MRTFB: variants seen among roughly 807,000 people sequenced by gnomAD.
The protein encoded by MRTFB is myocardin related transcription factor B, also known as myocardin-related transcription factor B.
Under a neutral mutation model 104.2 loss-of-function variants are expected in MRTFB, and 29 were observed. The observed-to-expected ratio is 0.28, with a 90% CI of 0.21 to 0.38. The LOEUF (loss-of-function observed/expected upper bound fraction) is 0.38, where lower values mean the gene tolerates loss of function less well. MRTFB is among the 10% of genes least tolerant of loss of function. The pLI, the probability that MRTFB is intolerant of heterozygous loss-of-function variation, is 1.00. For synonymous variants in MRTFB, 535 were observed against 519.5 expected (o/e 1.03, Z -0.41); for missense variants, 1,270 against 1,341.6 (o/e 0.95, Z 0.83).
chr16:14,143,929 T>C (rs1383304236), intron 3 of MRTFB: 1 of 152,230 alleles, frequency 6.6e-6, no homozygotes, highest in Non-Finnish European at 1.5e-5. Context: ...ACAGTTACTT[T>C]CCCAGAATTA....
chr16:14,127,385 G>A (rs939622020), intron 2 of MRTFB, among the ~76,000 whole-genome samples: 8 of 152,056 alleles, frequency 5.3e-5, no homozygotes, highest in East Asian at 1.9e-4. Flanking sequence ...GGCCGGGTGC[G>A]GTAAGTATCT....
At chr16:14,161,494 T>A (rs2039036356) in intron 3 of MRTFB, among the ~76,000 whole-genome samples, 1 of 152,122 alleles carries the variant, frequency 6.6e-6, no homozygotes, top group African/African-American at 2.4e-5. Flanking sequence ...ATAGTAAAGT[T>A]TTCAGGGGAA....
chr16:13,998,521 C>T, the MRTFB span, among the ~76,000 whole-genome samples: 5 of 152,138 alleles, frequency 3.3e-5, no homozygotes, highest in East Asian at 5.8e-4. Flanking sequence ...AGTTGCACAC[C>T]TGTAGTTCCA....
At chr16:14,190,764 A>G (rs1433666539) in intron 3 of MRTFB, among the ~76,000 whole-genome samples, 1 of 152,206 alleles carries the variant, frequency 6.6e-6, no homozygotes, top group African/African-American at 2.4e-5. Context: ...CAGGACAACT[A>G]TCCCAGGCAG....
chr16:13,994,997 C>T, the MRTFB span, among the ~76,000 whole-genome samples: 115 of 151,510 alleles, frequency 7.6e-4, no homozygotes, highest in Middle Eastern at 0.014. Context: ...TTTCTCAGTA[C>T]GGTTTGGGGA....
At chr16:14,166,220 T>TTC (rs1555493220) in intron 3 of MRTFB, among the ~76,000 whole-genome samples, 3,693 of 148,626 alleles carry the variant, frequency 0.025, 171 homozygotes, top group African/African-American at 0.086. Flanking sequence ...TTCTTTTCTT[T>TTC]TTTTTTTTTT....
chr16:14,231,486 G>A (rs187140424), intron 8 of MRTFB, among the ~76,000 whole-genome samples: 3 of 152,102 alleles, frequency 2.0e-5, no homozygotes, highest in African/African-American at 7.2e-5. Flanking sequence ...TGTCACCCAG[G>A]TACTAAGCCC....
rs757117031 is a variant in MRTFB, at chr16:14,261,010, C to G, written c.2866C>G (p.Pro956Ala). 3 of 1,614,172 alleles carry G rather than the reference C, an allele frequency of 1.9e-6. No individual in the cohort carries two copies. In the South Asian group the frequency reaches 3.3e-5, roughly 18 times the overall value. ...GCCAGTGAATACAGTGGTGTCCCGG[C>G]CACCACCCCAAGTCCAAATGGCACC... The part of the protein sequence containing the change: ...TMPVNTVVSR[P>A]PPQVQMAPPV... The change falls in exon 17 of 17, where the codon CCA (proline) becomes GCA (alanine). Residue 956 changes from proline (P) to alanine (A), a missense_variant. By Grantham distance (27) the Pro-to-Ala change is conservative. Around this residue, in one of 3 missense-constraint regions of MRTFB, gnomAD observed 1,144 missense variants for 1,131.5 expected, o/e 1.01. Coordinates refer to ENST00000571589, the MANE Select transcript of MRTFB (RefSeq NM_001308142.2).
intron 3 of MRTFB, chr16:14,152,133 T>A (rs2038643967): frequency 6.6e-6 from 1 of 152,188 alleles, no homozygotes; most frequent in South Asian, 2.1e-4. Flanking sequence ...TTGTAATGTT[T>A]AAAGAGATTT....
In MRTFB at chr16:14,217,029, T is replaced by C. The variant is rs572359349; in HGVS notation, c.353-97T>C. ...AATATGTCGAGAACACAAAAATGTG[T>C]CTAAATCAGTTTAAATTCAGTTTGT... On this transcript the variant is annotated intron_variant, in intron 6 of 16. Coordinates refer to ENST00000571589, the MANE Select transcript of MRTFB (RefSeq NM_001308142.2). The C allele has an allele frequency of 3.2e-4, 399 of 1,262,870 alleles. 4 individuals carry two copies. In the East Asian group the frequency reaches 9.5e-3, roughly 30 times the overall value. 78.2% of individuals were successfully genotyped at this position (1,262,870 alleles called of 1,614,324 possible).
rs192269577 is a variant in MRTFB, at chr16:14,216,764, A to G, written c.353-362A>G. ...AATGAAGCCAAATCCAGAACTGTCA[A>G]CTTCTTGAACCATGGGCCACATCCG... is the stretch of plus-strand genomic sequence containing the variant. On this transcript the variant is annotated intron_variant, in intron 6 of 16. Transcript: ENST00000571589. Among the ~76,000 whole-genome samples the G allele has an allele frequency of 1.5e-3, 236 of 152,268 alleles. 1 individual carries two copies. The highest frequency in any genetic ancestry group is 1.5e-3 in the Admixed American group (23 of 15,296).
intron 4 of MRTFB, among the ~76,000 whole-genome samples, chr16:14,210,963 T>G (rs1428760045): frequency 1.3e-5 from 2 of 152,218 alleles, no homozygotes; most frequent in Non-Finnish European, 2.9e-5. Context: ...AGTGGCTGTT[T>G]TGTATAGGCC....
chr16:14,213,429 C>T (rs1374320228), intron 5 of MRTFB, 116 bp from the exon 6 acceptor site: 5 of 620,202 alleles, frequency 8.1e-6, no homozygotes, highest in African/African-American at 1.9e-5. Flanking sequence ...TTCTACTCTT[C>T]GTCTCAAACA....
intron 3 of MRTFB, among the ~76,000 whole-genome samples, chr16:14,206,948 G>A (rs887231798): frequency 6.6e-6 from 1 of 151,834 alleles, no homozygotes; most frequent in Non-Finnish European, 1.5e-5. Context: ...AAAAAACTGG[G>A]TAATCAACAT....
intron 3 of MRTFB, among the ~76,000 whole-genome samples, chr16:14,184,746 A>C (rs1180076040): frequency 6.6e-6 from 1 of 152,190 alleles, no homozygotes; most frequent in African/African-American, 2.4e-5. Context: ...GGCTTCTGCT[A>C]TTAAGCCTGT....
chr16:14,088,461 AAAGGTGGTGTT>A (rs1267735238), intron 2 of MRTFB, among the ~76,000 whole-genome samples: 1 of 152,132 alleles, frequency 6.6e-6, no homozygotes, highest in Non-Finnish European at 1.5e-5. Flanking sequence ...TCGGACAGGG[AAAGGTGGTGTT>A]AGAATGCTCG....
the MRTFB span, among the ~76,000 whole-genome samples, chr16:14,011,290 T>G: frequency 6.6e-6 from 1 of 152,192 alleles, no homozygotes; most frequent in Non-Finnish European, 1.5e-5. Flanking sequence ...CTGGTTCTGG[T>G]GCTACCCAGC....
intron 3 of MRTFB, among the ~76,000 whole-genome samples, chr16:14,208,758 T>C (rs1267617094): frequency 1.3e-5 from 2 of 152,198 alleles, no homozygotes; most frequent in Non-Finnish European, 1.5e-5. Context: ...TAAAGTACAG[T>C]GGGAACATAC....
chr16:14,180,865 A>G (rs986749547), intron 3 of MRTFB, among the ~76,000 whole-genome samples: 5 of 152,230 alleles, frequency 3.3e-5, no homozygotes, highest in African/African-American at 1.2e-4. Context: ...ACAAGCACAG[A>G]TGACAAACCA....
Sources: gnomAD v4.1 joint callset for allele counts (sites outside exome capture counted in the v4.1 genomes callset) on GRCh38, gnomAD v4.1.1 for gene constraint, gnomAD v4.1.1 regional missense constraint, MANE v1.5 for transcripts, NCBI Gene and HGNC (gene_info 2026-07-23, HGNC 2026-07-21) for gene names.